The following ZMIZ1 variants were observed in gnomAD, a reference collection of about 807,000 sequenced individuals.
The protein encoded by ZMIZ1 is zinc finger MIZ domain-containing protein 1.
A neutral mutation model predicts 113.9 loss-of-function variants in ZMIZ1; 17 were observed. That is an observed-to-expected ratio of 0.15 (90% confidence interval 0.10 to 0.22). ZMIZ1 has a LOEUF of 0.22. Ranked by LOEUF, ZMIZ1 falls within the 10% of genes least tolerant of loss-of-function variation. The pLI is 1.00. For synonymous variants in ZMIZ1, 607 were observed against 603.1 expected, an observed-to-expected ratio of 1.01 and a Z score of -0.09; for missense variants, 1,059 against 1,477.8, an observed-to-expected ratio of 0.72 and a Z score of 4.65.
At chr10:79,267,560 G>A (rs1048622344) in intron 7 of ZMIZ1, among the ~76,000 whole-genome samples, 3 of 152,130 alleles carry the variant, frequency 2.0e-5, no homozygotes, top group African/African-American at 7.2e-5. Context: ...TTTGCAGAAG[G>A]GAAAACCAAA....
At chr10:79,266,191 G>A (rs1851590938) in intron 7 of ZMIZ1, among the ~76,000 whole-genome samples, 1 of 152,194 alleles carries the variant, frequency 6.6e-6, no homozygotes, top group African/African-American at 2.4e-5. Context: ...CACACAGGAG[G>A]TTCAAGAAGC....
chr10:79,231,728 G>A (rs1849404434), intron 7 of ZMIZ1, among the ~76,000 whole-genome samples: 1 of 151,946 alleles, frequency 6.6e-6, no homozygotes. Context: ...ACAAGCACAC[G>A]CCACCACGCC....
chr10:79,235,338 C>T (rs996566739), intron 7 of ZMIZ1, among the ~76,000 whole-genome samples: 2 of 152,186 alleles, frequency 1.3e-5, no homozygotes, highest in African/African-American at 4.8e-5. Flanking sequence ...GGACTCCTGG[C>T]AAACTTTTCA....
At chr10:79,164,313 G>A (rs1846229750) in intron 4 of ZMIZ1, among the ~76,000 whole-genome samples, 1 of 152,238 alleles carries the variant, frequency 6.6e-6, no homozygotes, top group Admixed American at 6.5e-5. Flanking sequence ...AAGGGCAGCT[G>A]TTAAACTGAA....
At chr10:79,260,123 CA>C (rs1851177271) in intron 7 of ZMIZ1, among the ~76,000 whole-genome samples, 1 of 152,236 alleles carries the variant, frequency 6.6e-6, no homozygotes, top group African/African-American at 2.4e-5. Flanking sequence ...AGTTTGAGTT[CA>C]AAACAGCATG....
chr10:79,099,635 G>A (rs182069761), intron 1 of ZMIZ1, among the ~76,000 whole-genome samples: 86 of 152,254 alleles, frequency 5.6e-4, no homozygotes, highest in African/African-American at 2.0e-3. Context: ...TGCTTGGGAC[G>A]TCCCAGTGTG....
chr10:79,098,461 G>A (rs117801766), intron 1 of ZMIZ1, among the ~76,000 whole-genome samples: 301 of 152,358 alleles, frequency 2.0e-3, no homozygotes, highest in Non-Finnish European at 3.5e-3. Context: ...CCTGTAAAAT[G>A]GAGGTGGTGA....
chr10:79,302,681 C>T (rs1157734143), intron 18 of ZMIZ1, among the ~76,000 whole-genome samples: 109 of 41,740 alleles, frequency 2.6e-3, no homozygotes, highest in South Asian at 3.5e-3. Flanking sequence ...ACAGCTCATG[C>T]TTTTTTTTTT....
At chr10:79,108,641 A>G (rs1224178673) in intron 1 of ZMIZ1, among the ~76,000 whole-genome samples, 2 of 152,070 alleles carry the variant, frequency 1.3e-5, no homozygotes. Context: ...GGAAAGCCAA[A>G]TACCAACCAT....
chr10:79,093,619 G>A (rs901777344), intron 1 of ZMIZ1, among the ~76,000 whole-genome samples: 1 of 152,154 alleles, frequency 6.6e-6, no homozygotes, highest in Non-Finnish European at 1.5e-5. Context: ...GAGCCACCAC[G>A]CCTGGCCTGT....
chr10:79,090,194 C>T (rs1426159557), intron 1 of ZMIZ1, among the ~76,000 whole-genome samples: 1 of 152,170 alleles, frequency 6.6e-6, no homozygotes, highest in Non-Finnish European at 1.5e-5. Context: ...GAAAACAATC[C>T]CTGGAGAGGG....
intron 1 of ZMIZ1, among the ~76,000 whole-genome samples, chr10:79,078,008 C>T (rs549531576): frequency 1.7e-4 from 26 of 152,290 alleles, no homozygotes; most frequent in Non-Finnish European, 3.2e-4. Flanking sequence ...AACTCCCTGC[C>T]GTTTTCCACA....
chr10:79,295,861 G>C (rs1853857108), intron 12 of ZMIZ1: 1 of 152,326 alleles, frequency 6.6e-6, no homozygotes. Flanking sequence ...GGAGGGTGGT[G>C]CTCTCTCCTC....
chr10:79,251,860 A>T (rs1233831465), intron 7 of ZMIZ1, among the ~76,000 whole-genome samples: 1 of 152,210 alleles, frequency 6.6e-6, no homozygotes, highest in Non-Finnish European at 1.5e-5. Context: ...CCAGGGGGTC[A>T]GGGCAGCAGC....
At chr10:79,220,256 A>T (rs1360486228) in intron 7 of ZMIZ1, among the ~76,000 whole-genome samples, 1 of 152,192 alleles carries the variant, frequency 6.6e-6, no homozygotes, top group Non-Finnish European at 1.5e-5. Flanking sequence ...ACTGGGGGCC[A>T]AGTAAATATG....
At chr10:79,261,639 C>CAG (rs1663362496) in intron 7 of ZMIZ1, among the ~76,000 whole-genome samples, 1 of 152,218 alleles carries the variant, frequency 6.6e-6, no homozygotes. Context: ...GGCTCCAAGG[C>CAG]AGAGGGCTGA....
intron 3 of ZMIZ1, among the ~76,000 whole-genome samples, chr10:79,156,619 G>T (rs1010122533): frequency 6.6e-6 from 1 of 152,304 alleles, no homozygotes; most frequent in East Asian, 1.9e-4. Context: ...TCCAGGGCTG[G>T]GCTTCGGAAG....
chr10:79,177,221 C>T (rs543236474), intron 4 of ZMIZ1, among the ~76,000 whole-genome samples: 1 of 152,058 alleles, frequency 6.6e-6, no homozygotes, highest in Non-Finnish European at 1.5e-5. Context: ...CTCAGGAAGC[C>T]CTGCTCCCCA....
chr10:79,146,945 CGTGTGTGT>C (rs66763458), intron 3 of ZMIZ1, among the ~76,000 whole-genome samples: 1 of 137,716 alleles, frequency 7.3e-6, no homozygotes, highest in Non-Finnish European at 1.6e-5. Context: ...GTGTAGTGTA[CGTGTGTGT>C]GTGTGTGTGT....
Sources: gnomAD v4.1 joint callset for allele counts (sites outside exome capture counted in the v4.1 genomes callset) on GRCh38, gnomAD v4.1.1 for gene constraint, MANE v1.5 for transcripts, NCBI Gene and HGNC (gene_info 2026-07-23, HGNC 2026-07-21) for gene names.